Variants in OSBPL6 observed in about 807,000 individuals in gnomAD.
The protein encoded by OSBPL6 is oxysterol binding protein like 6, also known as oxysterol-binding protein-related protein 6.
Under a neutral mutation model 125.8 loss-of-function variants are expected in OSBPL6, and 49 were observed. The observed-to-expected ratio is 0.39, with a 90% CI of 0.31 to 0.49. OSBPL6 has a LOEUF of 0.49. OSBPL6 is among the 20% of genes least tolerant of loss of function. The pLI is 0.88. For synonymous variants in OSBPL6, 394 were observed against 391.8 expected, an observed-to-expected ratio of 1.01 and a Z score of -0.07; for missense variants, 986 against 1,135.4, an observed-to-expected ratio of 0.87 and a Z score of 1.89.
intron 11 of OSBPL6, among the ~76,000 whole-genome samples, chr2:178,341,066 T>C (rs1381674803): frequency 1.3e-5 from 2 of 152,234 alleles, no homozygotes; most frequent in Non-Finnish European, 2.9e-5. Flanking sequence ...AGTTTTATTG[T>C]TTTTGAACTT....
intron 1 of OSBPL6, among the ~76,000 whole-genome samples, chr2:178,212,038 T>C (rs1177740199): frequency 1.3e-5 from 2 of 151,958 alleles, no homozygotes; most frequent in Non-Finnish European, 2.9e-5. Context: ...GGAGAAAAAA[T>C]GTCATCATCA....
chr2:178,377,226 A>T (rs1386965981), intron 15 of OSBPL6, among the ~76,000 whole-genome samples: 1 of 152,220 alleles, frequency 6.6e-6, no homozygotes, highest in African/African-American at 2.4e-5. Flanking sequence ...GGAAACTTAC[A>T]ACCATGGCAG....
chr2:178,256,736 A>G (rs1292182445), intron 1 of OSBPL6, among the ~76,000 whole-genome samples: 1 of 152,180 alleles, frequency 6.6e-6, no homozygotes, highest in Non-Finnish European at 1.5e-5. Context: ...TACTTTACCT[A>G]AGTGATTTTC....
chr2:178,238,616 T>A (rs1327131384), intron 1 of OSBPL6, among the ~76,000 whole-genome samples: 1 of 152,054 alleles, frequency 6.6e-6, no homozygotes, highest in Non-Finnish European at 1.5e-5. Flanking sequence ...GAAAAAAAAA[T>A]TCCTGCTGGT....
At chr2:178,343,378 C>A (rs553998517) in intron 11 of OSBPL6, among the ~76,000 whole-genome samples, 16 of 151,788 alleles carry the variant, frequency 1.1e-4, no homozygotes, top group Admixed American at 3.9e-4. Flanking sequence ...CAGAGTGAGA[C>A]CCTATCTCAA....
intron 11 of OSBPL6, among the ~76,000 whole-genome samples, chr2:178,345,315 A>C (rs1574928082): frequency 6.6e-6 from 1 of 152,332 alleles, no homozygotes; most frequent in East Asian, 1.9e-4. Context: ...AATATGAAAA[A>C]GTTTTGGCTG....
intron 1 of OSBPL6, among the ~76,000 whole-genome samples, chr2:178,241,875 TTA>T (rs1279248659): frequency 5.3e-5 from 8 of 152,208 alleles, no homozygotes; most frequent in African/African-American, 1.7e-4. Flanking sequence ...TATAGTATTT[TTA>T]TGTTTTGCTA....
chr2:178,257,500 T>C (rs754373149), intron 1 of OSBPL6, among the ~76,000 whole-genome samples: 3 of 152,236 alleles, frequency 2.0e-5, no homozygotes, highest in Non-Finnish European at 4.4e-5. Flanking sequence ...TGTCGTAATA[T>C]ATTAATGATT....
At position 178,395,696 on chromosome 2, in the gene OSBPL6, T is replaced by C. The variant is rs1197190741; in HGVS notation, c.*137T>C. On this transcript the variant is annotated 3_prime_UTR_variant, in exon 25 of 25. Transcript: ENST00000190611. ...TTTGCTTTTCTATTCATCTTTATAA[T>C]GGACTTTCAGAAGTGCATTAGACAA... is the stretch of plus-strand genomic sequence containing the variant. 1 of 653,300 alleles carries C rather than the reference T, an allele frequency of 1.5e-6. No homozygotes were observed. The highest frequency in any genetic ancestry group is 2.6e-6 in the Non-Finnish European group (1 of 384,338). 40.5% of individuals were successfully genotyped at this position (653,300 alleles called of 1,614,324 possible).
At position 178,387,448 on chromosome 2, in the gene OSBPL6, A is replaced by C. The variant is rs1404093890; in HGVS notation, c.2156+309A>C. On this transcript the variant is annotated intron_variant, in intron 20 of 24. Transcript: ENST00000190611. ...TCTCCTGTTTAGCCATTTCTTTGCT[A>C]TACAATTCAGTTTCACTTTTGAGTT... Among the ~76,000 whole-genome samples the C allele has an allele frequency of 3.9e-5, 6 of 152,332 alleles. 1 individual carries two copies. The South Asian group carries it at 1.2e-3, about 32-fold the overall frequency.
chr2:178,291,941 A>G (rs1399649898), intron 2 of OSBPL6, among the ~76,000 whole-genome samples: 1 of 151,914 alleles, frequency 6.6e-6, no homozygotes, highest in Non-Finnish European at 1.5e-5. Context: ...TGTCTTTTAA[A>G]CTTTCATTTT....
intron 1 of OSBPL6, among the ~76,000 whole-genome samples, chr2:178,253,639 T>C (rs2091775372): frequency 6.6e-6 from 1 of 152,248 alleles, no homozygotes; most frequent in Non-Finnish European, 1.5e-5. Context: ...AATATATTCT[T>C]AATGAATAAA....
intron 1 of OSBPL6, among the ~76,000 whole-genome samples, chr2:178,256,789 G>A (rs2091900232): frequency 6.6e-6 from 1 of 152,104 alleles, no homozygotes; most frequent in South Asian, 2.1e-4. Context: ...ATTTAAAACA[G>A]CATTCTGGCA....
chr2:178,304,647 TC>T lies in OSBPL6; in HGVS notation c.-155-1380del, dbSNP rs1396593821. ...GCTCCACCCTCATGACCTAAACACC[TC>T]CCATTAGGCCTCACTTCCCAATACT... On this transcript the variant is annotated intron_variant, in intron 2 of 24. Coordinates refer to ENST00000190611, the MANE Select transcript of OSBPL6 (RefSeq NM_032523.4). Among the ~76,000 whole-genome samples, 16 of 152,258 alleles carry T rather than the reference TC, an allele frequency of 1.1e-4. No individual in the cohort carries two copies. In the East Asian group the frequency reaches 3.1e-3, roughly 29 times the overall value.
chr2:178,262,842 C>T (rs334005), intron 1 of OSBPL6, among the ~76,000 whole-genome samples: 58,079 of 151,982 alleles, frequency 0.38, 11,451 homozygotes, highest in African/African-American at 0.45. Context: ...TATAGATCTC[C>T]TTCACTTTAA....
At chr2:178,200,729 C>T (rs2089202809) in intron 1 of OSBPL6, among the ~76,000 whole-genome samples, 1 of 152,068 alleles carries the variant, frequency 6.6e-6, no homozygotes, top group African/African-American at 2.4e-5. Flanking sequence ...TTGACATTTT[C>T]TTTCTAAAAC....
At chr2:178,295,903 C>T (rs1685706984) in intron 2 of OSBPL6, among the ~76,000 whole-genome samples, 1 of 152,092 alleles carries the variant, frequency 6.6e-6, no homozygotes, top group Non-Finnish European at 1.5e-5. Context: ...GGAATATATA[C>T]AGGTTAAATG....
At chr2:178,238,438 A>G (rs2091151248) in intron 1 of OSBPL6, among the ~76,000 whole-genome samples, 1 of 152,154 alleles carries the variant, frequency 6.6e-6, no homozygotes, top group East Asian at 1.9e-4. Flanking sequence ...AAAGTGCAAG[A>G]CTAGTGATCC....
At chr2:178,288,804 A>C (rs1458334989) in intron 2 of OSBPL6, among the ~76,000 whole-genome samples, 1 of 151,714 alleles carries the variant, frequency 6.6e-6, no homozygotes, top group African/African-American at 2.4e-5. Context: ...GCCCGCCACC[A>C]CGCCCAGCTA....
Sources: allele counts gnomAD v4.1 joint callset (sites outside exome capture counted in the v4.1 genomes callset), GRCh38; gene constraint gnomAD v4.1.1; transcripts MANE v1.5; gene names NCBI Gene and HGNC (gene_info 2026-07-23, HGNC 2026-07-21).